Variants in WFS1 observed in about 807,000 individuals in gnomAD.
WFS1 encodes wolframin.
WFS1 carries 90 observed loss-of-function variants against 68.5 expected under a neutral mutation model. The ratio of observed to expected loss-of-function variants is 1.31; its 90% CI spans 1.11 to 1.56. The LOEUF is 1.56. WFS1 is among the 40% of genes most tolerant of loss of function. The pLI is 0.00. For missense variants in WFS1, 1,767 were observed against 1,232.6 expected (o/e 1.43, Z -6.49); for synonymous variants, 860 against 540.7 (o/e 1.59, Z -8.19).
chr4:6,301,074 A>G lies in WFS1; in HGVS notation c.1279A>G (p.Ile427Val). ...CTTCCCCATCGCCAGCAAGGACTGC[A>G]TCCCCTGCTCGGAGCTGGCTGTCAT... ...FSFPIASKDC[I>V]PCSELAVITG... Residue 427 changes from isoleucine to valine, a missense_variant, in exon 8 of 8, where the codon ATC becomes GTC. Coordinates refer to ENST00000226760, the MANE Select transcript of WFS1 (RefSeq NM_006005.3). 6.2e-7 allele frequency: 1 copy of G among 1,614,050 alleles called. No homozygotes were observed. The highest frequency in any genetic ancestry group is 1.1e-5 in the South Asian group (1 of 91,064).
At position 6,300,995 on chromosome 4, in the gene WFS1, C is replaced by G. The variant is rs1487098659; in HGVS notation, c.1200C>G (p.Asn400Lys). Reference sequence around the variant, plus strand: ...AGGCCGAGGTCAACTTCGGCTGGAACCACCTGGAGCCCTATGCCCATTTCC... The same window carrying G: ...AGGCCGAGGTCAACTTCGGCTGGAAGCACCTGGAGCCCTATGCCCATTTCC... ...VEQAEVNFGWNHLEPYAHFLL... is the reference protein window; with the variant it reads ...VEQAEVNFGWKHLEPYAHFLL... The change falls in exon 8 of 8, where the codon AAC becomes AAG. Residue 400 changes from asparagine to lysine, a missense_variant. Transcript: ENST00000226760. 3 of 1,614,052 alleles carry G rather than the reference C, an allele frequency of 1.9e-6. No individual in the cohort carries two copies. The highest frequency in any genetic ancestry group is 1.7e-6 in the Non-Finnish European group (2 of 1,180,020).
intron 6 of WFS1, among the ~76,000 whole-genome samples, chr4:6,292,896 C>T (rs1366223991): frequency 1.3e-5 from 2 of 152,200 alleles, no homozygotes; most frequent in East Asian, 3.8e-4. Flanking sequence ...ACAGATCCCA[C>T]CTTCCCACTG....
rs1461979308 is a variant in WFS1, at chr4:6,302,762, C to T, written c.*294C>T. ...AGGCTAGACTAGGAGGTTCCGGTGT[C>T]TGGAAAAGCACTTTACAGATGAGAT... On this transcript the variant is annotated 3_prime_UTR_variant, in exon 8 of 8. Coordinates refer to ENST00000226760, the MANE Select transcript of WFS1 (RefSeq NM_006005.3). The T allele has an allele frequency of 7.6e-6, 4 of 523,782 alleles. No homozygotes were observed. The highest frequency in any genetic ancestry group is 1.4e-5 in the Non-Finnish European group (4 of 294,826). 32.4% of individuals were successfully genotyped at this position (523,782 alleles called of 1,614,324 possible). A position where few individuals can be genotyped will look rare whatever the true frequency, so the allele number is the denominator to read the frequency against.
intron 5 of WFS1, among the ~76,000 whole-genome samples, 175 bp downstream of exon 5, chr4:6,291,542 T>C (rs2109116832): frequency 6.6e-6 from 1 of 152,248 alleles, no homozygotes; most frequent in Middle Eastern, 3.4e-3. Context: ...GACCAGAACC[T>C]TCCTGTAGAG....
rs1379704742 is a variant in WFS1 at position 6,269,903 on chromosome 4, C to G, written c.-117C>G. On this transcript the variant is annotated 5_prime_UTR_variant, in exon 1 of 8. Transcript: ENST00000226760. ...CAGCAGCGAGTGCAGATTGCTCCCC[C>G]GCGGCCGCAGATCTCCCGTTTGCGC... 1.3e-5 allele frequency: 2 copies of G among 152,246 alleles called. No homozygotes were observed. The highest frequency in any genetic ancestry group is 2.9e-5 in the Non-Finnish European group (2 of 68,042). 9.4% of individuals were successfully genotyped at this position (152,246 alleles called of 1,614,324 possible). A position where few individuals can be genotyped will look rare whatever the true frequency, so the allele number is the denominator to read the frequency against.
rs1730332907 is a variant in WFS1, at chr4:6,287,120, C to T, written c.260C>T (p.Pro87Leu). The change falls in exon 3 of 8, where the codon CCC becomes CTC. Residue 87 changes from proline to leucine, a missense_variant. Transcript: ENST00000226760. The surrounding 1 kb of genome is among the most constrained non-coding windows in gnomAD (Gnocchi z 6.4). ...TGPTKGDMEI[P>L]FEEVLERAKA... Reference sequence around the variant, plus strand: ...CCTACAAAGGGAGACATGGAAATCCCCTTTGAAGAAGTCCTGGAGAGGGCC... The same window carrying T: ...CCTACAAAGGGAGACATGGAAATCCTCTTTGAAGAAGTCCTGGAGAGGGCC... 1.3e-6 allele frequency: 2 copies of T among 1,560,142 alleles called. No individual in the cohort carries two copies. Among genetic ancestry groups the T allele is most frequent in the Non-Finnish European group, 1.7e-6 (2 of 1,150,516 alleles).
In WFS1 at chr4:6,289,121, G is replaced by T; in HGVS notation, c.450G>T (p.Ala150=). The change falls in exon 4 of 8, where the codon GCG becomes GCT. Residue 150 remains alanine (A), a synonymous_variant. Coordinates refer to ENST00000226760, the MANE Select transcript of WFS1 (RefSeq NM_006005.3). ...EAVKLLRRCL[A]DRRGITSENE... ...TGAAGCTGCTTCGCCGGTGCTTGGC[G>T]GACAGAAGAGGTGGGTCTGTGTGAG... 1 of 1,577,186 alleles carries T rather than the reference G, an allele frequency of 6.3e-7. No individual in the cohort carries two copies. Among genetic ancestry groups the T allele is most frequent in the East Asian group, 2.3e-5 (1 of 42,836 alleles).
At chr4:6,292,467 A>AGG (rs1208257414) in intron 6 of WFS1, among the ~76,000 whole-genome samples, 1 of 152,116 alleles carries the variant, frequency 6.6e-6, no homozygotes, top group African/African-American at 2.4e-5. Flanking sequence ...GTAGGTAGGC[A>AGG]GGGAACAGAG....
In WFS1 at chr4:6,295,925, G is replaced by A. The variant is rs1197394611; in HGVS notation, c.861+736G>A. On this transcript the variant is annotated intron_variant, in intron 7 of 7. Transcript: ENST00000226760. ...CTGTCTCACTCTGCAGAGAACACCA[G>A]GATTTCCAGAAGCTTGGCCTCCTGA... is the stretch of plus-strand genomic sequence containing the variant. 3.3e-5 allele frequency among the ~76,000 whole-genome samples: 5 copies of A among 152,336 alleles called. No individual in the cohort carries two copies. The East Asian group carries it at 9.7e-4, about 29-fold the overall frequency.
At position 6,301,150 on chromosome 4, in the gene WFS1, AGCCCTACACGCGCAGG is replaced by A. The variant is rs1730884198; in HGVS notation, c.1361_1376del (p.Tyr454TrpfsTer18). The A allele has an allele frequency of 6.2e-7, 1 of 1,613,016 alleles. No individual in the cohort carries two copies. Among genetic ancestry groups the A allele is most frequent in the Non-Finnish European group, 8.5e-7 (1 of 1,179,954 alleles). The stretch of plus-strand genomic sequence containing the variant: ...TACCTGAGCCTGAGCACCCATGCAG[AGCCCTACACGCGCAGG>A]GCCCTGGCCACCGAGGTCACCGCCG... On this transcript the variant is annotated frameshift_variant, in exon 8 of 8. Coordinates refer to ENST00000226760, the MANE Select transcript of WFS1 (RefSeq NM_006005.3). LOFTEE classifies it high-confidence loss of function.
In WFS1 at chr4:6,301,817, G is replaced by T; in HGVS notation, c.2022G>T (p.Gly674=). The change falls in exon 8 of 8, where the codon GGG becomes GGT. Residue 674 remains glycine, a synonymous_variant. Transcript: ENST00000226760. ...GGCAGCAGTATGGTGCGCTGTGCGG[G>T]CCACGCGCCTGGAAGGAGACCAACA... ...LTWQQYGALC[G]PRAWKETNMA... 1.2e-6 allele frequency: 2 copies of T among 1,613,156 alleles called. No homozygotes were observed. The highest frequency in any genetic ancestry group is 1.7e-6 in the Non-Finnish European group (2 of 1,180,022).
chr4:6,271,631 C>T (rs1308586875), intron 1 of WFS1, among the ~76,000 whole-genome samples: 1 of 152,212 alleles, frequency 6.6e-6, no homozygotes, highest in Non-Finnish European at 1.5e-5. Flanking sequence ...ACCAGACCAC[C>T]CCCTGTGCCC....
At chr4:6,271,410 A>T (rs1729835386) in intron 1 of WFS1, among the ~76,000 whole-genome samples, 1 of 152,216 alleles carries the variant, frequency 6.6e-6, no homozygotes, top group South Asian at 2.1e-4. Context: ...AGTGCTGGAC[A>T]GGCTTCTGGG....
chr4:6,293,813 G>C (rs1730544535), intron 6 of WFS1, among the ~76,000 whole-genome samples: 1 of 152,174 alleles, frequency 6.6e-6, no homozygotes, highest in African/African-American at 2.4e-5. Flanking sequence ...GGTGGCATTG[G>C]TGACCACTCT....
intron 7 of WFS1, among the ~76,000 whole-genome samples, chr4:6,298,672 C>T (rs753978189): frequency 7.2e-5 from 11 of 152,184 alleles, no homozygotes; most frequent in South Asian, 2.1e-4. Flanking sequence ...ATAACACTTC[C>T]GTTTCCTCCA....
At chr4:6,289,641 A>G (rs1283199370) in intron 4 of WFS1, among the ~76,000 whole-genome samples, 1 of 152,040 alleles carries the variant, frequency 6.6e-6, no homozygotes, top group African/African-American at 2.4e-5. Flanking sequence ...GAGGCAGGGG[A>G]GGAAAGGGAC....
Position 6,302,876 on chromosome 4 carries a change from A to G in WFS1, c.*408A>G. 1 of 274,370 alleles carries G rather than the reference A, an allele frequency of 3.6e-6. No individual in the cohort carries two copies. The highest frequency in any genetic ancestry group is 7.0e-6 in the Non-Finnish European group (1 of 143,290). The allele number at this position is 274,370 out of a possible 1,614,324, so 17.0% of individuals were successfully genotyped here. A position where few individuals can be genotyped will look rare whatever the true frequency, so the allele number is the denominator to read the frequency against. On this transcript the variant is annotated 3_prime_UTR_variant, in exon 8 of 8. Transcript: ENST00000226760. ...TTAAAAACCAAATAAGCATCTGTGTAACCTCCACAGTAGCATTTCTTATTT... is the reference window on the plus strand; with the variant it reads ...TTAAAAACCAAATAAGCATCTGTGTGACCTCCACAGTAGCATTTCTTATTT...
At position 6,302,030 on chromosome 4, in the gene WFS1, C is replaced by G; in HGVS notation, c.2235C>G (p.Gly745=). ...AGGCCTACCCTGCCTGCAGCCCTGG[C>G]AACACCTCCACGGCCGAGGAGGAGC... The part of the protein sequence containing the change: ...YGEAYPACSP[G]NTSTAEEELC... Residue 745 remains glycine (G), a synonymous_variant, in exon 8 of 8, where the codon GGC becomes GGG. Transcript: ENST00000226760. 1 of 1,612,796 alleles carries G rather than the reference C, an allele frequency of 6.2e-7. No homozygotes were observed. Among genetic ancestry groups the G allele is most frequent in the Non-Finnish European group, 8.5e-7 (1 of 1,179,934 alleles).
chr4:6,287,643 C>T lies in WFS1; in HGVS notation c.315+468C>T, dbSNP rs138917547. ...AGTGCTGGGGACATGATGTGGCCCTCTCTTCATGGGTGACAGGTTAGTGGA... is the reference window on the plus strand; with the variant it reads ...AGTGCTGGGGACATGATGTGGCCCTTTCTTCATGGGTGACAGGTTAGTGGA... On this transcript the variant is annotated intron_variant, in intron 3 of 7. Transcript: ENST00000226760. This position sits in a 1 kb window ranked among gnomAD's most constrained non-coding sequence, Gnocchi z 6.4. Among the ~76,000 whole-genome samples, 3 of 152,294 alleles carry T rather than the reference C, an allele frequency of 2.0e-5. No individual in the cohort carries two copies. In the East Asian group the frequency reaches 5.8e-4, roughly 29 times the overall value.
Sources: gnomAD v4.1 joint callset for allele counts (sites outside exome capture counted in the v4.1 genomes callset) on GRCh38, gnomAD v4.1.1 for gene constraint, Gnocchi (gnomAD v3.1) non-coding constraint, MANE v1.5 for transcripts, NCBI Gene and HGNC (gene_info 2026-07-23, HGNC 2026-07-21) for gene names.